Variants in CLEC12A observed in about 807,000 individuals in gnomAD.
CLEC12A encodes the protein C-type lectin protein CLL-1.
CLEC12A carries 22 observed loss-of-function variants against 26.5 expected under a neutral mutation model. The observed-to-expected ratio is 0.83, with a 90% CI of 0.59 to 1.19. The LOEUF (loss-of-function observed/expected upper bound fraction) is 1.19. Among genes scored for constraint, CLEC12A ranks in the 50% most tolerant of loss-of-function variants. The probability of loss-of-function intolerance (pLI) is 0.00; values close to 1 mark genes in which losing one functional copy is unlikely to be tolerated. For synonymous variants in CLEC12A, 119 were observed against 101.9 expected (o/e 1.17, Z -1.01); for missense variants, 353 against 315.6 (o/e 1.12, Z -0.90).
downstream of CLEC12A, among the ~76,000 whole-genome samples, chr12:10,000,034 AT>A (rs1160226242): frequency 1.3e-5 from 2 of 152,228 alleles, no homozygotes; most frequent in African/African-American, 4.8e-5. Flanking sequence ...TAGCTGATGC[AT>A]TTATTATAGG....
At chr12:9,959,945 T>C (rs1482500010) in intron 1 of CLEC12A, among the ~76,000 whole-genome samples, 2 of 152,176 alleles carry the variant, frequency 1.3e-5, no homozygotes, top group Non-Finnish European at 2.9e-5. Context: ...AGGGAATATA[T>C]TAACTAGTCT....
At chr12:9,995,158 G>A (rs779949844) in exon 5 of CLEC12A, 16 of 1,612,590 alleles carry the variant, frequency 9.9e-6, no homozygotes, top group Middle Eastern at 1.6e-4. Flanking sequence ...TGAGATAACC[G>A]AGCCATCCTC....
intron 1 of CLEC12A, among the ~76,000 whole-genome samples, chr12:9,965,607 A>G (rs1357059806): frequency 6.6e-6 from 1 of 151,946 alleles, no homozygotes; most frequent in African/African-American, 2.4e-5. Flanking sequence ...AGGATAGGAG[A>G]GTATATGGAT....
intron 1 of CLEC12A, among the ~76,000 whole-genome samples, chr12:9,959,771 A>T (rs1273721307): frequency 6.6e-6 from 1 of 152,140 alleles, no homozygotes; most frequent in East Asian, 1.9e-4. Context: ...ACCTGGGAAA[A>T]GGTCTTGCCC....
chr12:9,988,849 C>T (rs528093456), downstream of CLEC12A, among the ~76,000 whole-genome samples: 2 of 152,272 alleles, frequency 1.3e-5, no homozygotes, highest in African/African-American at 2.4e-5. Context: ...TTGACCCAGC[C>T]ATCCCATTGC....
intron 1 of CLEC12A, among the ~76,000 whole-genome samples, chr12:9,955,115 C>G (rs879518461): frequency 6.6e-6 from 1 of 152,150 alleles, no homozygotes; most frequent in Non-Finnish European, 1.5e-5. Flanking sequence ...AAAACGGAGT[C>G]TCACTCTGTC....
At chr12:9,957,365 G>A (rs1195445512) in intron 1 of CLEC12A, among the ~76,000 whole-genome samples, 1 of 152,008 alleles carries the variant, frequency 6.6e-6, no homozygotes, top group Non-Finnish European at 1.5e-5. Flanking sequence ...GTGCACGGCT[G>A]TAATCCCAGC....
upstream of CLEC12A, among the ~76,000 whole-genome samples, chr12:9,967,863 G>T (rs571134270): frequency 1.3e-5 from 2 of 152,160 alleles, no homozygotes; most frequent in Non-Finnish European, 2.9e-5. Flanking sequence ...TCCCCACATG[G>T]TCAGACACCT....
At chr12:9,975,700 T>G (rs1864307406) in intron 1 of CLEC12A, among the ~76,000 whole-genome samples, 1 of 152,198 alleles carries the variant, frequency 6.6e-6, no homozygotes, top group Admixed American at 6.5e-5. Flanking sequence ...TCTAAAGTCA[T>G]GGGAAGCCAA....
downstream of CLEC12A, chr12:9,996,943 T>A (rs545436774): frequency 1.7e-5 from 27 of 1,614,102 alleles, no homozygotes; most frequent in African/African-American, 1.7e-4. Context: ...GAAGAACCCA[T>A]AGCAGCTATC....
chr12:9,996,356 G>T (rs1253394050), downstream of CLEC12A, among the ~76,000 whole-genome samples: 4 of 152,144 alleles, frequency 2.6e-5, no homozygotes, highest in African/African-American at 9.7e-5. Context: ...CCTGGCATCT[G>T]CCTAGACTAA....
chr12:9,979,431 A>G lies in CLEC12A; in HGVS notation c.286A>G (p.Asn96Asp). ...QRNISLQLMS[N>D]MNISNKIRNL... ...AAATATTTCTCTACAACTGATGAGT[A>G]ACATGAATATCTCCAACAAGATCAG... The change falls in exon 3 of 6, where the codon AAC becomes GAC. Residue 96 changes from asparagine (N) to aspartate (D), a missense_variant. Coordinates refer to ENST00000304361, the MANE Select transcript of CLEC12A (RefSeq NM_138337.6). The G allele has an allele frequency of 6.2e-7, 1 of 1,612,724 alleles. No individual in the cohort carries two copies. The highest frequency in any genetic ancestry group is 8.5e-7 in the Non-Finnish European group (1 of 1,179,058).
Position 9,980,603 on chromosome 12 carries a change from C to G in CLEC12A, c.401C>G (p.Pro134Arg), listed in dbSNP as rs750629465. The part of the protein sequence containing the change: ...KEQEHKCKPC[P>R]RRWIWHKDSC... ...CCAGAGCACAAATGTAAGCCTTGTC[C>G]AAGGAGATGGATTTGGCATAAGGAC... The change falls in exon 4 of 6, where the codon CCA (proline) becomes CGA (arginine). Residue 134 changes from proline (P) to arginine (R), a missense_variant. Coordinates refer to ENST00000304361, the MANE Select transcript of CLEC12A (RefSeq NM_138337.6). 1.9e-6 allele frequency: 3 copies of G among 1,613,452 alleles called. No homozygotes were observed. Among genetic ancestry groups the G allele is most frequent in the East Asian group, 4.5e-5 (2 of 44,868 alleles).
intron 1 of CLEC12A, among the ~76,000 whole-genome samples, chr12:9,959,231 A>T (rs1863790521): frequency 6.6e-6 from 1 of 151,904 alleles, no homozygotes; most frequent in African/African-American, 2.4e-5. Context: ...CGGGTGGATC[A>T]CATGAGGTCA....
intron 1 of CLEC12A, among the ~76,000 whole-genome samples, chr12:9,978,562 T>A (rs1864429338): frequency 6.6e-6 from 1 of 152,176 alleles, no homozygotes; most frequent in Admixed American, 6.5e-5. Flanking sequence ...CACAATTGTC[T>A]ACTCAAGCAA....
intron 3 of CLEC12A, among the ~76,000 whole-genome samples, chr12:9,980,001 T>C (rs1864490889): frequency 6.6e-6 from 1 of 152,220 alleles, no homozygotes; most frequent in African/African-American, 2.4e-5. Flanking sequence ...CTAAAACATA[T>C]TCCTTTTGCT....
intron 1 of CLEC12A, among the ~76,000 whole-genome samples, chr12:9,958,913 G>C (rs891238538): frequency 6.6e-6 from 1 of 152,156 alleles, no homozygotes; most frequent in East Asian, 1.9e-4. Context: ...CTCAGTTATA[G>C]ATTACAAGAA....
At chr12:9,992,864 C>CAGTA (rs1864924386) in intron 4 of CLEC12A, 1 of 318,868 alleles carries the variant, frequency 3.1e-6, no homozygotes, top group African/African-American at 2.1e-5. Context: ...TCTGAAGATG[C>CAGTA]AGTAAATCAT....
chr12:9,958,240 C>T (rs538141131), intron 1 of CLEC12A, among the ~76,000 whole-genome samples: 14 of 152,318 alleles, frequency 9.2e-5, no homozygotes, highest in African/African-American at 2.9e-4. Flanking sequence ...TTAAATGCTG[C>T]AGAGTGGAAG....
Sources: allele counts gnomAD v4.1 joint callset (sites outside exome capture counted in the v4.1 genomes callset), GRCh38; gene constraint gnomAD v4.1.1; transcripts MANE v1.5; gene names NCBI Gene and HGNC (gene_info 2026-07-23, HGNC 2026-07-21).